MTSS1: variants seen among roughly 807,000 people sequenced by gnomAD.
The protein encoded by MTSS1 is MTSS I-BAR domain containing 1, also known as protein MTSS 1.
MTSS1 carries 18 observed loss-of-function variants against 79.0 expected under a neutral mutation model. The ratio of observed to expected loss-of-function variants is 0.23; its 90% CI spans 0.16 to 0.34. The LOEUF is 0.34. Ranked by LOEUF, MTSS1 falls within the 10% of genes least tolerant of loss-of-function variation. The pLI, the probability that MTSS1 is intolerant of heterozygous loss-of-function variation, is 1.00. For synonymous variants in MTSS1, 341 were observed against 368.6 expected (o/e 0.93, Z 0.86); for missense variants, 815 against 986.2 (o/e 0.83, Z 2.33).
At chr8:124,669,422 C>G (rs759904107) in intron 3 of MTSS1, among the ~76,000 whole-genome samples, 4 of 152,224 alleles carry the variant, frequency 2.6e-5, no homozygotes, top group Non-Finnish European at 5.9e-5. Context: ...GTACAGCTCA[C>G]TCCAAACATG....
At chr8:124,723,455 C>T (rs1307840752) in intron 1 of MTSS1, among the ~76,000 whole-genome samples, 1 of 152,122 alleles carries the variant, frequency 6.6e-6, no homozygotes. Context: ...TTCACAGCAT[C>T]AAGCTAGAAG....
intron 3 of MTSS1, among the ~76,000 whole-genome samples, chr8:124,692,367 C>G (rs1828082871): frequency 7.2e-6 from 1 of 139,734 alleles, no homozygotes; most frequent in South Asian, 2.4e-4. Flanking sequence ...ATGCATCAAT[C>G]TTTTTAAAAA....
intron 7 of MTSS1, chr8:124,567,533 T>C: frequency 8.5e-7 from 1 of 1,171,860 alleles, no homozygotes; most frequent in Non-Finnish European, 1.1e-6. Context: ...TTTCTGAAGT[T>C]GCTTAGCTTC....
Position 124,552,907 on chromosome 8 carries a change from T to G in MTSS1, c.*85A>C. 1 of 1,385,900 alleles carries G rather than the reference T, an allele frequency of 7.2e-7. No homozygotes were observed. The highest frequency in any genetic ancestry group is 9.8e-7 in the Non-Finnish European group (1 of 1,016,602). 85.9% of individuals were successfully genotyped at this position (1,385,900 alleles called of 1,614,324 possible). A position where few individuals can be genotyped will look rare whatever the true frequency, so the allele number is the denominator to read the frequency against. ...TCCGAGTTGCCTACAAAATCTTTTG[T>G]TTTATTATAGAGTGGAATGGATCAA... On this transcript the variant is annotated 3_prime_UTR_variant, in exon 14 of 14. Transcript: ENST00000518547.
At chr8:124,605,362 C>G (rs1037924884) in intron 3 of MTSS1, among the ~76,000 whole-genome samples, 1 of 152,192 alleles carries the variant, frequency 6.6e-6, no homozygotes, top group African/African-American at 2.4e-5. Flanking sequence ...CTCACAGTAT[C>G]TGGATCAGGG....
At chr8:124,672,145 A>G (rs1350143360) in intron 3 of MTSS1, among the ~76,000 whole-genome samples, 1 of 152,204 alleles carries the variant, frequency 6.6e-6, no homozygotes, top group African/African-American at 2.4e-5. Flanking sequence ...CATCCAGACT[A>G]TAAAACATAC....
At chr8:124,603,171 G>A (rs555891109) in intron 3 of MTSS1, among the ~76,000 whole-genome samples, 49 of 152,314 alleles carry the variant, frequency 3.2e-4, no homozygotes, top group South Asian at 1.9e-3. Flanking sequence ...GATTACAGGC[G>A]TGCGCCACCA....
chr8:124,720,649 A>T (rs1832772989), intron 1 of MTSS1, among the ~76,000 whole-genome samples: 1 of 152,180 alleles, frequency 6.6e-6, no homozygotes, highest in African/African-American at 2.4e-5. Flanking sequence ...ACTTAGCAAG[A>T]AAAAAACTCA....
intron 2 of MTSS1, among the ~76,000 whole-genome samples, chr8:124,702,509 T>TGGAA (rs1829844254): frequency 6.6e-6 from 1 of 152,130 alleles, no homozygotes; most frequent in African/African-American, 2.4e-5. Context: ...AGTTCATGGA[T>TGGAA]GGAAATCCCA....
intron 1 of MTSS1, among the ~76,000 whole-genome samples, chr8:124,716,691 C>G (rs1832044056): frequency 6.6e-6 from 1 of 152,160 alleles, no homozygotes; most frequent in African/African-American, 2.4e-5. Context: ...AAATTACACA[C>G]AGCAAGATTT....
In MTSS1 at chr8:124,683,840, A is replaced by T. The variant is rs990877167; in HGVS notation, c.208+15686T>A. Among the ~76,000 whole-genome samples, 1 of 152,178 alleles carries T rather than the reference A, an allele frequency of 6.6e-6. No individual in the cohort carries two copies. The highest frequency in any genetic ancestry group is 6.5e-5 in the Admixed American group (1 of 15,288). ...GTCAATAAGAGAAGTTACCAAGTGG[A>T]TGGTGGTGAGGCCATAACAAGCCGG... On this transcript the variant is annotated intron_variant, in intron 3 of 13. Transcript: ENST00000518547. The surrounding 1 kb of genome is among the most constrained non-coding windows in gnomAD (Gnocchi z 4.5).
At chr8:124,562,170 G>A (rs934413492) in intron 10 of MTSS1, among the ~76,000 whole-genome samples, 28 of 152,174 alleles carry the variant, frequency 1.8e-4, no homozygotes, top group Admixed American at 1.2e-3. Context: ...CAGCTCCTGC[G>A]TTCTGCTCCA....
rs7001375 is a variant in MTSS1 at position 124,582,675 on chromosome 8, G to A, written c.460+2412C>T. Among the ~76,000 whole-genome samples the A allele has an allele frequency of 0.67, 101,678 of 152,068 alleles. 34,294 individuals are homozygous for A. The highest frequency in any genetic ancestry group is 0.71 in the African/African-American group (29,505 of 41,464). On this transcript the variant is annotated intron_variant, in intron 6 of 13. Transcript: ENST00000518547. The surrounding 1 kb of genome is among the most constrained non-coding windows in gnomAD (Gnocchi z 4.8). ...ATCCATCCGAACGCGTGGTGCGTCA[G>A]AAGGAACTGCTAACACTTTTACAAA...
intron 6 of MTSS1, among the ~76,000 whole-genome samples, chr8:124,581,824 C>T (rs569534896): frequency 7.9e-5 from 12 of 152,280 alleles, no homozygotes; most frequent in South Asian, 2.1e-4. Context: ...TGAGTTCATA[C>T]GGTTGGGTGG....
Position 124,600,127 on chromosome 8 carries a change from C to A in MTSS1, c.209-8892G>T, listed in dbSNP as rs553346838. Among the ~76,000 whole-genome samples, 4 of 151,892 alleles carry A rather than the reference C, an allele frequency of 2.6e-5. No individual in the cohort carries two copies. In the East Asian group the frequency reaches 7.8e-4, roughly 29 times the overall value. ...TGCATAAATCACACCCAAAATGCATCATCTGTGATTTCCATGTCGGGCTTC... is the reference window on the plus strand; with the variant it reads ...TGCATAAATCACACCCAAAATGCATAATCTGTGATTTCCATGTCGGGCTTC... On this transcript the variant is annotated intron_variant, in intron 3 of 13. Transcript: ENST00000518547.
At chr8:124,652,623 C>A (rs190237102) in intron 3 of MTSS1, among the ~76,000 whole-genome samples, 1 of 152,062 alleles carries the variant, frequency 6.6e-6, no homozygotes, top group Non-Finnish European at 1.5e-5. Context: ...GGTGAAACCC[C>A]GTCTCTACTA....
At chr8:124,579,665 C>G (rs1829663444) in intron 6 of MTSS1, 1 of 152,206 alleles carries the variant, frequency 6.6e-6, no homozygotes, top group Non-Finnish European at 1.5e-5. Context: ...GAACCACTAG[C>G]CCAACATCGC....
At chr8:124,681,937 T>G (rs186725243) in intron 3 of MTSS1, among the ~76,000 whole-genome samples, 1 of 152,228 alleles carries the variant, frequency 6.6e-6, no homozygotes, top group Admixed American at 6.5e-5. Context: ...AAGGCTACTA[T>G]GAACCAGGCA....
At chr8:124,604,455 G>T (rs1834457695) in intron 3 of MTSS1, among the ~76,000 whole-genome samples, 1 of 151,866 alleles carries the variant, frequency 6.6e-6, no homozygotes, top group Non-Finnish European at 1.5e-5. Flanking sequence ...AAAGGTAAAA[G>T]AACTTGAAAA....
Sources: gnomAD v4.1 joint callset for allele counts (sites outside exome capture counted in the v4.1 genomes callset) on GRCh38, gnomAD v4.1.1 for gene constraint, Gnocchi (gnomAD v3.1) non-coding constraint, MANE v1.5 for transcripts, NCBI Gene and HGNC (gene_info 2026-07-23, HGNC 2026-07-21) for gene names.